The following RCL1 variants were observed in gnomAD, a reference collection of about 807,000 sequenced individuals.
RCL1 encodes RNA terminal phosphate cyclase like 1.
In RCL1, 24 loss-of-function variants were observed where a neutral mutation model predicts 42.4. The observed-to-expected ratio is 0.57, with a 90% CI of 0.41 to 0.80. RCL1 has a LOEUF of 0.80. Among genes scored for constraint, RCL1 ranks in the 30% least tolerant of loss-of-function variants. The pLI is 0.00. For synonymous variants in RCL1, 228 were observed against 177.3 expected (o/e 1.29, Z -2.27); for missense variants, 578 against 467.9 (o/e 1.24, Z -2.17).
intron 3 of RCL1, among the ~76,000 whole-genome samples, chr9:4,828,409 A>G (rs1347835686): frequency 6.6e-6 from 1 of 152,210 alleles, no homozygotes; most frequent in African/African-American, 2.4e-5. Flanking sequence ...TTCTTAGGCA[A>G]TAAAAACTTA....
Position 4,851,863 on chromosome 9 carries a change from G to GCACAGAA in RCL1, c.971+2313_971+2314insCACAGAA, listed in dbSNP as rs1817761226. On this transcript the variant is annotated intron_variant, in intron 8 of 8. Transcript: ENST00000381750. ...GTGGTTTTCTGTGCTACTTGAGAAA[G>GCACAGAA]TAAGTCTGTATGTGTGAAACTCTTT... Among the ~76,000 whole-genome samples, 3 of 147,804 alleles carry GCACAGAA rather than the reference G, an allele frequency of 2.0e-5. No homozygotes were observed. The South Asian group carries it at 6.4e-4, about 31-fold the overall frequency.
At chr9:4,807,303 A>C (rs1816010061) in intron 1 of RCL1, among the ~76,000 whole-genome samples, 1 of 151,222 alleles carries the variant, frequency 6.6e-6, no homozygotes, top group African/African-American at 2.4e-5. Flanking sequence ...ACTTGCTTTG[A>C]GTTTATTTTG....
chr9:4,833,243 A>G lies in RCL1; in HGVS notation c.459+15A>G. ...TTGAACTGAAGGTAAGAATGTTTGA[A>G]CTGTTGACCATATGTTCCTGTGGAA... On this transcript the variant is annotated intron_variant, in intron 4 of 8. Coordinates refer to ENST00000381750, the MANE Select transcript of RCL1 (RefSeq NM_005772.5). 6.3e-7 allele frequency: 1 copy of G among 1,588,814 alleles called. No individual in the cohort carries two copies. Among genetic ancestry groups the G allele is most frequent in the Non-Finnish European group, 8.6e-7 (1 of 1,156,910 alleles).
At chr9:4,833,298 C>T (rs1299859234) in intron 4 of RCL1, 70 bp downstream of exon 4, 2 of 1,134,544 alleles carry the variant, frequency 1.8e-6, no homozygotes, top group Non-Finnish European at 2.7e-6. Flanking sequence ...ATTGGAAGAG[C>T]TGTGTGACTC....
Position 4,833,924 on chromosome 9 carries a change from A to G in RCL1, c.460-217A>G, listed in dbSNP as rs532812915. 1.8e-4 allele frequency among the ~76,000 whole-genome samples: 28 copies of G among 152,350 alleles called. No individual in the cohort carries two copies. In the East Asian group the frequency reaches 5.0e-3, roughly 27 times the overall value. On this transcript the variant is annotated intron_variant, in intron 4 of 8. Coordinates refer to ENST00000381750, the MANE Select transcript of RCL1 (RefSeq NM_005772.5). ...GGTTAAAGAGATGAGTGGCAGAGCC[A>G]CTTGGGTAATCGACTTGGACTTTGA...
chr9:4,815,415 T>G (rs1816336918), intron 1 of RCL1, among the ~76,000 whole-genome samples: 1 of 151,948 alleles, frequency 6.6e-6, no homozygotes. Flanking sequence ...TATATTTATT[T>G]CATTCATTGA....
At chr9:4,841,019 A>T (rs534011998) in intron 5 of RCL1, among the ~76,000 whole-genome samples, 14 of 152,234 alleles carry the variant, frequency 9.2e-5, no homozygotes, top group African/African-American at 2.6e-4. Flanking sequence ...TATACTTTCC[A>T]CTGTCTCTAT....
At chr9:4,814,378 G>C (rs1057380062) in intron 1 of RCL1, among the ~76,000 whole-genome samples, 1 of 151,934 alleles carries the variant, frequency 6.6e-6, no homozygotes, top group Non-Finnish European at 1.5e-5. Flanking sequence ...TGAACTCCTG[G>C]GCTCAAGCAA....
At chr9:4,813,525 A>G (rs1303527061) in intron 1 of RCL1, among the ~76,000 whole-genome samples, 1 of 152,236 alleles carries the variant, frequency 6.6e-6, no homozygotes, top group Non-Finnish European at 1.5e-5. Flanking sequence ...GATCCTTAAA[A>G]AGTCAGGAAA....
chr9:4,841,074 T>A (rs928629009), intron 5 of RCL1, 158 bp from the exon 6 acceptor site: 16 of 711,712 alleles, frequency 2.2e-5, no homozygotes, highest in African/African-American at 2.0e-4. Flanking sequence ...ATGAAAAAAA[T>A]TTAATTATGG....
At chr9:4,805,312 C>G (rs1348467986) in intron 1 of RCL1, among the ~76,000 whole-genome samples, 1 of 152,062 alleles carries the variant, frequency 6.6e-6, no homozygotes, top group Admixed American at 6.6e-5. Context: ...TCACTTGAGC[C>G]TAGGAGTTCC....
intron 5 of RCL1, among the ~76,000 whole-genome samples, chr9:4,840,814 G>C (rs1455907511): frequency 2.0e-5 from 3 of 152,180 alleles, no homozygotes; most frequent in Non-Finnish European, 2.9e-5. Context: ...GTTCTTAAGA[G>C]AGAGACTCAT....
Position 4,793,208 on chromosome 9 carries a change from C to A in RCL1, c.117C>A (p.Asp39Glu), listed in dbSNP as rs752653824. Residue 39 changes from aspartate to glutamate, a missense_variant, in exon 1 of 9, where the codon GAC (aspartate) becomes GAA (glutamate). Coordinates refer to ENST00000381750, the MANE Select transcript of RCL1 (RefSeq NM_005772.5). Reference sequence around the variant, plus strand: ...AAATCCGAAAGATTCGGGCCAGAGACGACAACCCGGGCCTCCGAGGTAACT... The same window carrying A: ...AAATCCGAAAGATTCGGGCCAGAGAAGACAACCCGGGCCTCCGAGGTAACT... ...PVKIRKIRAR[D>E]DNPGLRDFEA... 6.2e-7 allele frequency: 1 copy of A among 1,604,218 alleles called. No individual in the cohort carries two copies. The highest frequency in any genetic ancestry group is 8.5e-7 in the Non-Finnish European group (1 of 1,175,528).
rs545079602 is a variant in RCL1 at position 4,822,382 on chromosome 9, G to A, written c.137-1166G>A. ...CATGGGCAGGAAGTTAAAACTAAGG[G>A]GTGTGTTTGTGTGTAAGATTAGCTC... On this transcript the variant is annotated intron_variant, in intron 1 of 8. Transcript: ENST00000381750. 3.5e-4 allele frequency among the ~76,000 whole-genome samples: 53 copies of A among 152,296 alleles called. No individual in the cohort carries two copies. In the East Asian group the frequency reaches 4.2e-3, roughly 12 times the overall value.
chr9:4,818,938 C>A (rs1168439239), intron 1 of RCL1, among the ~76,000 whole-genome samples: 2 of 151,468 alleles, frequency 1.3e-5, no homozygotes. Context: ...AACTTTTCCT[C>A]ACATAATTAA....
In RCL1 at chr9:4,841,333, A is replaced by G. The variant is rs1240954413; in HGVS notation, c.686A>G (p.His229Arg). Residue 229 changes from histidine to arginine, a missense_variant, in exon 6 of 9, where the codon CAC becomes CGC. Coordinates refer to ENST00000381750, the MANE Select transcript of RCL1 (RefSeq NM_005772.5). ...CCTGATATCTATATTTACACAGATC[A>G]CATGAAAGGAGTCAACTCTGGGAAG... ...FIPDIYIYTD[H>R]MKGVNSGKSP... 1.1e-5 allele frequency: 17 copies of G among 1,612,982 alleles called. No homozygotes were observed. Among genetic ancestry groups the G allele is most frequent in the Non-Finnish European group, 1.4e-5 (17 of 1,179,096 alleles).
intron 3 of RCL1, among the ~76,000 whole-genome samples, chr9:4,830,619 C>T (rs1201817070): frequency 6.6e-6 from 1 of 152,154 alleles, no homozygotes; most frequent in Non-Finnish European, 1.5e-5. Flanking sequence ...CCATTCTTTT[C>T]CAGTTCCCTC....
At chr9:4,798,149 T>A (rs1842943433) in intron 1 of RCL1, among the ~76,000 whole-genome samples, 1 of 152,212 alleles carries the variant, frequency 6.6e-6, no homozygotes, top group Middle Eastern at 3.2e-3. Context: ...GGACCTGTTC[T>A]CTCTCATTTC....
At chr9:4,835,443 C>G (rs977061732) in intron 5 of RCL1, among the ~76,000 whole-genome samples, 1 of 152,086 alleles carries the variant, frequency 6.6e-6, no homozygotes. Flanking sequence ...TGCTGGATCC[C>G]TATCCCAAGG....
Sources: allele counts gnomAD v4.1 joint callset (sites outside exome capture counted in the v4.1 genomes callset), GRCh38; gene constraint gnomAD v4.1.1; transcripts MANE v1.5; gene names NCBI Gene and HGNC (gene_info 2026-07-23, HGNC 2026-07-21).